Variants in PALM2AKAP2 observed in about 807,000 individuals in gnomAD.
PALM2AKAP2 encodes the protein PALM2 and AKAP2 fusion.
Under a neutral mutation model 71.5 loss-of-function variants are expected in PALM2AKAP2, and 37 were observed. That is an observed-to-expected ratio of 0.52 (90% CI 0.40 to 0.68). PALM2AKAP2 has a LOEUF of 0.68. Ranked by LOEUF, PALM2AKAP2 falls within the 30% of genes least tolerant of loss-of-function variation. The pLI is 0.00. For synonymous variants in PALM2AKAP2, 468 were observed against 478.8 expected, an observed-to-expected ratio of 0.98 and a Z score of 0.29; for missense variants, 1,224 against 1,191.8, an observed-to-expected ratio of 1.03 and a Z score of -0.40.
chr9:109,757,202 A>C (rs535630173), intron 1 of PALM2AKAP2, among the ~76,000 whole-genome samples: 14 of 152,176 alleles, frequency 9.2e-5, no homozygotes, highest in African/African-American at 3.4e-4. Flanking sequence ...CCCACGTATG[A>C]GTGAGAAAAT....
At chr9:109,641,344 G>A (rs575783487) in intron 1 of PALM2AKAP2, among the ~76,000 whole-genome samples, 6 of 152,302 alleles carry the variant, frequency 3.9e-5, no homozygotes, top group Admixed American at 3.9e-4. Context: ...TATGAGCCAG[G>A]GCTGCAATGT....
chr9:109,847,281 C>T (rs1828884194), intron 1 of PALM2AKAP2, among the ~76,000 whole-genome samples: 1 of 152,122 alleles, frequency 6.6e-6, no homozygotes, highest in South Asian at 2.1e-4. Flanking sequence ...GCGATCACCA[C>T]TAGGTAGAGG....
chr9:109,830,496 C>G (rs951315648), intron 1 of PALM2AKAP2, among the ~76,000 whole-genome samples: 2 of 152,186 alleles, frequency 1.3e-5, no homozygotes, highest in African/African-American at 4.8e-5. Flanking sequence ...ATAGCCTTTT[C>G]ATGCCTGCCT....
chr9:109,936,562 T>C (rs944973824), intron 6 of PALM2AKAP2, among the ~76,000 whole-genome samples: 3 of 152,208 alleles, frequency 2.0e-5, no homozygotes, highest in African/African-American at 7.2e-5. Flanking sequence ...TGCTTGTCTA[T>C]CACATGCCAG....
upstream of PALM2AKAP2, chr9:110,048,684 C>T: frequency 1.3e-6 from 2 of 1,532,260 alleles, no homozygotes; most frequent in Non-Finnish European, 1.7e-6. Flanking sequence ...CGCCCGGAGG[C>T]TACCACTCCC....
At chr9:109,915,849 C>G (rs569523859) in intron 3 of PALM2AKAP2, among the ~76,000 whole-genome samples, 1 of 152,208 alleles carries the variant, frequency 6.6e-6, no homozygotes, top group Admixed American at 6.5e-5. Flanking sequence ...AGACAAGACC[C>G]TCTCCAAACA....
chr9:109,998,731 C>T (rs1040798483), intron 6 of PALM2AKAP2, among the ~76,000 whole-genome samples: 1 of 149,274 alleles, frequency 6.7e-6, no homozygotes, highest in Non-Finnish European at 1.5e-5. Flanking sequence ...TGCACCGCTG[C>T]CGTCCAGCCT....
chr9:110,118,500 G>A (rs1258054671), intron 1 of PALM2AKAP2, among the ~76,000 whole-genome samples: 3 of 152,108 alleles, frequency 2.0e-5, no homozygotes, highest in Non-Finnish European at 2.9e-5. Context: ...TGCTCGCCTC[G>A]GCCTCCCAAA....
Position 109,939,158 on chromosome 9 carries a change from A to G in PALM2AKAP2, c.496+7130A>G, listed in dbSNP as rs147357344. Among the ~76,000 whole-genome samples, 20 of 152,116 alleles carry G rather than the reference A, an allele frequency of 1.3e-4. No individual in the cohort carries two copies. In the East Asian group the frequency reaches 3.9e-3, roughly 29 times the overall value. The stretch of plus-strand genomic sequence containing the variant: ...CTAAAGCATCATTTACCACCACAAA[A>G]TACTCCTTCTCTATGCATATTTCAT... On this transcript the variant is annotated intron_variant, in intron 6 of 9. Transcript: ENST00000302798.
chr9:110,074,177 T>A (rs1283821971), intron 1 of PALM2AKAP2, among the ~76,000 whole-genome samples: 1 of 152,190 alleles, frequency 6.6e-6, no homozygotes, highest in Non-Finnish European at 1.5e-5. Flanking sequence ...CAAAATAACT[T>A]GTCTATAATC....
chr9:109,893,766 A>G (rs12343568), intron 3 of PALM2AKAP2, among the ~76,000 whole-genome samples: 8,495 of 152,236 alleles, frequency 0.056, 286 homozygotes, highest in Non-Finnish European at 0.068. Flanking sequence ...GTTATTTTAA[A>G]AAATGTTTAG....
At chr9:109,939,947 A>C (rs1831321521) in intron 6 of PALM2AKAP2, among the ~76,000 whole-genome samples, 1 of 152,260 alleles carries the variant, frequency 6.6e-6, no homozygotes, top group Admixed American at 6.5e-5. Flanking sequence ...TTAACCAGGA[A>C]CAGAGTGTAT....
At chr9:110,034,491 G>A (rs548859403) in intron 7 of PALM2AKAP2, among the ~76,000 whole-genome samples, 15 of 151,564 alleles carry the variant, frequency 9.9e-5, no homozygotes, top group African/African-American at 3.6e-4. Context: ...TGCAGAGCCA[G>A]TTAACTTTAC....
At chr9:109,950,615 T>C (rs1394813810) in intron 6 of PALM2AKAP2, among the ~76,000 whole-genome samples, 1 of 152,216 alleles carries the variant, frequency 6.6e-6, no homozygotes, top group Non-Finnish European at 1.5e-5. Flanking sequence ...GAGGCCTTTT[T>C]CTACTACCCA....
chr9:110,122,608 C>T (rs936874516), intron 1 of PALM2AKAP2, among the ~76,000 whole-genome samples: 3 of 152,210 alleles, frequency 2.0e-5, no homozygotes, highest in African/African-American at 7.2e-5. Flanking sequence ...AGACAAGGCA[C>T]ACAGTAGGAG....
chr9:109,666,605 A>G (rs1193976621), intron 1 of PALM2AKAP2, among the ~76,000 whole-genome samples: 2 of 152,216 alleles, frequency 1.3e-5, no homozygotes, highest in Non-Finnish European at 2.9e-5. Context: ...GGCTGACTCC[A>G]TGCTTTATGC....
At chr9:109,822,839 G>A (rs897425010) in intron 1 of PALM2AKAP2, among the ~76,000 whole-genome samples, 1 of 152,226 alleles carries the variant, frequency 6.6e-6, no homozygotes, top group African/African-American at 2.4e-5. Context: ...ATGTGTGCAT[G>A]TGTCTTTATG....
exon 2 of PALM2AKAP2, chr9:110,138,509 C>T (rs1197405005): frequency 6.2e-7 from 1 of 1,609,768 alleles, no homozygotes; most frequent in African/African-American, 1.3e-5. Context: ...CCCATCACTG[C>T]CCTCCAGAAC....
intron 3 of PALM2AKAP2, among the ~76,000 whole-genome samples, chr9:109,899,137 T>C (rs1830273688): frequency 6.6e-6 from 1 of 152,080 alleles, no homozygotes; most frequent in Non-Finnish European, 1.5e-5. Context: ...CCCCTAACCA[T>C]ATCCATTTGG....
Sources: gnomAD v4.1 joint callset for allele counts (sites outside exome capture counted in the v4.1 genomes callset) on GRCh38, gnomAD v4.1.1 for gene constraint, MANE v1.5 for transcripts, NCBI Gene and HGNC (gene_info 2026-07-23, HGNC 2026-07-21) for gene names.